Variants in PSMB7 observed in about 807,000 individuals in gnomAD.
PSMB7 encodes the protein proteasome subunit beta type-7.
Under a neutral mutation model 28.1 loss-of-function variants are expected in PSMB7, and 5 were observed. The observed-to-expected ratio is 0.18, with a 90% CI of 0.09 to 0.37. PSMB7 has a LOEUF of 0.37. Ranked by LOEUF, PSMB7 falls within the 10% of genes least tolerant of loss-of-function variation. The pLI, the probability that PSMB7 is intolerant of heterozygous loss-of-function variation, is 1.00. For missense variants in PSMB7, 275 were observed against 346.2 expected (o/e 0.79, Z 1.63); for synonymous variants, 122 against 123.7 (o/e 0.99, Z 0.09).
chr9:124,357,683 C>T (rs576338308), intron 6 of PSMB7, among the ~76,000 whole-genome samples: 4 of 152,332 alleles, frequency 2.6e-5, no homozygotes, highest in East Asian at 3.9e-4. Flanking sequence ...CTTTCTTATC[C>T]GAGAAGCCCC....
At chr9:124,395,064 C>T (rs1422316263) in intron 5 of PSMB7, among the ~76,000 whole-genome samples, 1 of 152,188 alleles carries the variant, frequency 6.6e-6, no homozygotes, top group Non-Finnish European at 1.5e-5. Flanking sequence ...ATGCACCAAA[C>T]ATCTACTACA....
chr9:124,413,363 C>T (rs1174594663), intron 3 of PSMB7, among the ~76,000 whole-genome samples: 2 of 151,586 alleles, frequency 1.3e-5, no homozygotes, highest in Non-Finnish European at 2.9e-5. Context: ...CTGAAAAAGA[C>T]GCTTGAAGGG....
chr9:124,362,296 T>C (rs1353513445), intron 6 of PSMB7, among the ~76,000 whole-genome samples: 1 of 152,228 alleles, frequency 6.6e-6, no homozygotes, highest in Non-Finnish European at 1.5e-5. Flanking sequence ...AACAAAGAGA[T>C]ACTCAGCCTT....
In PSMB7 at chr9:124,393,305, G is replaced by A. The variant is rs12336531; in HGVS notation, c.512-8649C>T. ...GTCCTGGCCAAAAGCTTCCCGGCGA[G>A]GCAAGCCAAGCAATCAGACAATCTT... On this transcript the variant is annotated intron_variant, in intron 5 of 7. Coordinates refer to ENST00000259457, the MANE Select transcript of PSMB7 (RefSeq NM_002799.4). Among the ~76,000 whole-genome samples the A allele has an allele frequency of 5.5e-3, 839 of 152,260 alleles. 9 individuals are homozygous for A. Among genetic ancestry groups the A allele is most frequent in the African/African-American group, 0.019 (800 of 41,552 alleles).
At chr9:124,393,198 G>A (rs1364804902) in intron 5 of PSMB7, among the ~76,000 whole-genome samples, 2 of 152,222 alleles carry the variant, frequency 1.3e-5, no homozygotes, top group African/African-American at 2.4e-5. Context: ...AGCCACTAGA[G>A]AGCAGTGGAG....
chr9:124,396,162 C>T (rs566266808), intron 5 of PSMB7, among the ~76,000 whole-genome samples: 3 of 152,240 alleles, frequency 2.0e-5, no homozygotes, highest in East Asian at 1.9e-4. Context: ...TGAATATAGA[C>T]GAAACATTTG....
intron 4 of PSMB7, among the ~76,000 whole-genome samples, chr9:124,411,419 C>A (rs1374902158): frequency 6.6e-6 from 1 of 152,216 alleles, no homozygotes; most frequent in East Asian, 1.9e-4. Flanking sequence ...TCTATCCGTG[C>A]TCCCCTTTAA....
intron 5 of PSMB7, chr9:124,398,415 A>G: frequency 3.2e-6 from 1 of 315,726 alleles, no homozygotes; most frequent in Admixed American, 4.7e-5. Flanking sequence ...GACAAAGCCC[A>G]GGCGAGTACA....
intron 3 of PSMB7, among the ~76,000 whole-genome samples, chr9:124,413,214 A>G (rs890498342): frequency 1.3e-5 from 2 of 150,566 alleles, no homozygotes; most frequent in South Asian, 2.1e-4. Flanking sequence ...AAGGTTATAT[A>G]TGAGCTGGAA....
At chr9:124,394,548 T>C (rs1830822568) in intron 5 of PSMB7, among the ~76,000 whole-genome samples, 2 of 152,030 alleles carry the variant, frequency 1.3e-5, no homozygotes, top group Admixed American at 1.3e-4. Context: ...ACAATTCAAA[T>C]CAGGAGACTT....
In PSMB7 at chr9:124,366,650, CCACCCACT is replaced by C. The variant is rs540440147; in HGVS notation, c.571-9743_571-9736del. 9.8e-4 allele frequency among the ~76,000 whole-genome samples: 149 copies of C among 152,338 alleles called. 1 individual carries two copies. Among genetic ancestry groups the C allele is most frequent in the African/African-American group, 3.4e-3 (140 of 41,574 alleles). ...CACCCTAGGCCTTCACCTTCACTCA[CCACCCACT>C]CACTGACTCACCCAGAGCAATTTCT... On this transcript the variant is annotated intron_variant, in intron 6 of 7. Transcript: ENST00000259457.
At chr9:124,353,809 G>T in intron 7 of PSMB7, 100 bp from the exon 8 acceptor site, 1 of 875,122 alleles carries the variant, frequency 1.1e-6, no homozygotes. Flanking sequence ...CAGTGAGCAG[G>T]CTGGACTGGA....
intron 4 of PSMB7, among the ~76,000 whole-genome samples, chr9:124,405,856 T>C (rs1002181752): frequency 4.6e-5 from 7 of 151,976 alleles, no homozygotes; most frequent in African/African-American, 1.7e-4. Flanking sequence ...CTAATTTTTG[T>C]ATTTTTTTTT....
intron 6 of PSMB7, among the ~76,000 whole-genome samples, chr9:124,378,523 G>A (rs542619620): frequency 8.5e-5 from 13 of 152,292 alleles, no homozygotes; most frequent in Admixed American, 6.5e-4. Flanking sequence ...TGTGATGTGA[G>A]GGTCCTGCGC....
chr9:124,355,658 T>C (rs1830396620), intron 7 of PSMB7, among the ~76,000 whole-genome samples: 1 of 152,186 alleles, frequency 6.6e-6, no homozygotes, highest in African/African-American at 2.4e-5. Flanking sequence ...GCCTTCCTGC[T>C]AAAGGCCCGA....
intron 6 of PSMB7, among the ~76,000 whole-genome samples, chr9:124,363,278 G>T (rs1036224780): frequency 6.6e-6 from 1 of 152,194 alleles, no homozygotes; most frequent in African/African-American, 2.4e-5. Flanking sequence ...GTCTGAACAC[G>T]ATGTGTTTGT....
At chr9:124,406,638 T>A (rs1165822997) in intron 4 of PSMB7, among the ~76,000 whole-genome samples, 5 of 150,894 alleles carry the variant, frequency 3.3e-5, no homozygotes, top group Non-Finnish European at 7.4e-5. Context: ...AAGTATTTCA[T>A]CATTCAGGAA....
rs1830570226 is a variant in PSMB7 at position 124,372,188 on chromosome 9, C to G, written c.570+12410G>C. ...TGCACAAGGAATTCCCACCACCATA[C>G]ACAACAGCCTCTCTCAGTACTGCCT... On this transcript the variant is annotated intron_variant, in intron 6 of 7. Coordinates refer to ENST00000259457, the MANE Select transcript of PSMB7 (RefSeq NM_002799.4). Among the ~76,000 whole-genome samples, 7 of 152,330 alleles carry G rather than the reference C, an allele frequency of 4.6e-5. No individual in the cohort carries two copies. The South Asian group carries it at 1.4e-3, about 32-fold the overall frequency.
In PSMB7 at chr9:124,405,449, G is replaced by A. The variant is rs1478681372; in HGVS notation, c.396-17C>T. ...CCTTGATACCTGGTGATCAGAGTAT[G>A]CATAAGAAAAAAAACATGAGTCCAC... is the stretch of plus-strand genomic sequence containing the variant. On this transcript the variant is annotated splice_polypyrimidine_tract_variant and intron_variant, in intron 4 of 7. Transcript: ENST00000259457. 6.5e-7 allele frequency: 1 copy of A among 1,532,156 alleles called. No individual in the cohort carries two copies. Among genetic ancestry groups the A allele is most frequent in the Non-Finnish European group, 9.0e-7 (1 of 1,110,726 alleles). The allele number at this position is 1,532,156 out of a possible 1,614,324, so 94.9% of individuals were successfully genotyped here.
Sources: gnomAD v4.1 joint callset for allele counts (sites outside exome capture counted in the v4.1 genomes callset) on GRCh38, gnomAD v4.1.1 for gene constraint, MANE v1.5 for transcripts, NCBI Gene and HGNC (gene_info 2026-07-23, HGNC 2026-07-21) for gene names.